C9orf153: variants seen among roughly 807,000 people sequenced by gnomAD.
C9orf153 encodes uncharacterized protein C9orf153.
In C9orf153, 10 loss-of-function variants were observed where a neutral mutation model predicts 9.0. That is an observed-to-expected ratio of 1.11 (90% CI 0.69 to 1.89). C9orf153 has a LOEUF of 1.89. Among genes scored for constraint, C9orf153 ranks in the 40% most tolerant of loss-of-function variants. The pLI is 0.00. For missense variants in C9orf153, 108 were observed against 111.0 expected (o/e 0.97, Z 0.12); for synonymous variants, 35 against 37.3 (o/e 0.94, Z 0.23).
At chr9:86,230,091 C>T (rs957842625) in intron 1 of C9orf153, among the ~76,000 whole-genome samples, 1 of 152,160 alleles carries the variant, frequency 6.6e-6, no homozygotes, top group East Asian at 1.9e-4. Context: ...CTGGGGATAA[C>T]AATTTGATGT....
chr9:86,244,753 C>T (rs2131197821), intron 1 of C9orf153, among the ~76,000 whole-genome samples: 1 of 152,326 alleles, frequency 6.6e-6, no homozygotes, highest in South Asian at 2.1e-4. Context: ...ATCTTTCTCC[C>T]TCCCTAATCC....
At chr9:86,237,199 A>G (rs1011133059) in intron 1 of C9orf153, among the ~76,000 whole-genome samples, 1 of 152,180 alleles carries the variant, frequency 6.6e-6, no homozygotes, top group African/African-American at 2.4e-5. Context: ...TATGCTAAGA[A>G]AGGAGAAAAA....
chr9:86,238,753 A>G (rs948483172), intron 1 of C9orf153, among the ~76,000 whole-genome samples: 7 of 152,194 alleles, frequency 4.6e-5, no homozygotes, highest in African/African-American at 1.7e-4. Context: ...TGTGTGCTGA[A>G]ATAGATCTCC....
chr9:86,222,439 C>A (rs1481561105), intron 3 of C9orf153, among the ~76,000 whole-genome samples: 2 of 152,092 alleles, frequency 1.3e-5, no homozygotes, highest in African/African-American at 4.8e-5. Flanking sequence ...TAGAAGTGCA[C>A]AGATTGTTAG....
intron 1 of C9orf153, among the ~76,000 whole-genome samples, chr9:86,248,869 T>C (rs1418487636): frequency 5.9e-5 from 9 of 152,214 alleles, no homozygotes; most frequent in African/African-American, 2.2e-4. Context: ...CAGTGGCTCC[T>C]CGTGTTGCCT....
chr9:86,255,075 A>AAG lies in C9orf153; in HGVS notation c.-27+4473_-27+4474dup, dbSNP rs398068748. On this transcript the variant is annotated intron_variant, in intron 1 of 3. Transcript: ENST00000339137. ...GAGACGCTGTCTCAGAAAAAAAAAA[A>AAG]AGAGAGAGAAAAAGAAATGAGACTA... 7.0e-3 allele frequency among the ~76,000 whole-genome samples: 1,068 copies of AAG among 151,746 alleles called. 14 individuals are homozygous for AAG. Among genetic ancestry groups the AAG allele is most frequent in the African/African-American group, 0.025 (1,028 of 41,346 alleles).
intron 1 of C9orf153, among the ~76,000 whole-genome samples, chr9:86,245,586 T>C (rs1358412760): frequency 6.6e-6 from 1 of 152,172 alleles, no homozygotes; most frequent in Non-Finnish European, 1.5e-5. Flanking sequence ...TACTCCATTG[T>C]GGGTTGCACG....
chr9:86,240,370 T>A (rs183284904), intron 1 of C9orf153, among the ~76,000 whole-genome samples: 1 of 148,834 alleles, frequency 6.7e-6, no homozygotes, highest in Admixed American at 7.0e-5. Context: ...TTTGCTTTCT[T>A]CTTTTCCTTT....
chr9:86,221,575 T>C lies in C9orf153; in HGVS notation c.*113A>G, dbSNP rs1324810037. ...TAAATGACCAAAGACTTGCGAACTATAGGGGGGAAAATAACGTCAGGCATG... is the reference window on the plus strand; with the variant it reads ...TAAATGACCAAAGACTTGCGAACTACAGGGGGGAAAATAACGTCAGGCATG... On this transcript the variant is annotated 3_prime_UTR_variant, in exon 4 of 4. Transcript: ENST00000339137. 2.8e-6 allele frequency: 4 copies of C among 1,416,200 alleles called. No homozygotes were observed. The highest frequency in any genetic ancestry group is 1.7e-5 in the South Asian group (1 of 60,090). 87.7% of individuals were successfully genotyped at this position (1,416,200 alleles called of 1,614,324 possible). A position where few individuals can be genotyped will look rare whatever the true frequency, so the allele number is the denominator to read the frequency against.
intron 1 of C9orf153, among the ~76,000 whole-genome samples, chr9:86,251,853 A>C (rs1159989404): frequency 2.0e-5 from 3 of 151,060 alleles, no homozygotes; most frequent in African/African-American, 4.9e-5. Flanking sequence ...TCTTTTAAAC[A>C]AGATTTCCAG....
chr9:86,236,159 C>T (rs1824581480), intron 1 of C9orf153, among the ~76,000 whole-genome samples: 1 of 151,896 alleles, frequency 6.6e-6, no homozygotes, highest in South Asian at 2.1e-4. Context: ...AAAAAGCATG[C>T]AAAGAAGCAG....
chr9:86,231,570 A>AAC (rs914773865), intron 1 of C9orf153, among the ~76,000 whole-genome samples: 10 of 142,792 alleles, frequency 7.0e-5, no homozygotes, highest in Non-Finnish European at 1.3e-4. Flanking sequence ...CACACACAAA[A>AAC]ACACACACAC....
chr9:86,255,792 G>A (rs961359746), intron 1 of C9orf153, among the ~76,000 whole-genome samples: 1 of 152,218 alleles, frequency 6.6e-6, no homozygotes, highest in South Asian at 2.1e-4. Context: ...TGCCTTTTGC[G>A]AGTTATTTTT....
intron 1 of C9orf153, among the ~76,000 whole-genome samples, chr9:86,242,517 T>A (rs2131194866): frequency 6.6e-6 from 1 of 152,326 alleles, no homozygotes; most frequent in Non-Finnish European, 1.5e-5. Flanking sequence ...TAGAAACTTA[T>A]TAATTAAAAA....
At chr9:86,224,120 C>T (rs1824266123) in intron 3 of C9orf153, among the ~76,000 whole-genome samples, 1 of 152,132 alleles carries the variant, frequency 6.6e-6, no homozygotes. Context: ...GGACCAGTGG[C>T]TCACGCCTGT....
chr9:86,221,878 T>A (rs944991037), intron 3 of C9orf153, 145 bp from the exon 4 acceptor site: 7 of 513,174 alleles, frequency 1.4e-5, no homozygotes, highest in African/African-American at 1.2e-4. Flanking sequence ...GCTTTATTTT[T>A]AATTTTTATT....
chr9:86,244,424 C>T (rs558613742), intron 1 of C9orf153, among the ~76,000 whole-genome samples: 1 of 152,250 alleles, frequency 6.6e-6, no homozygotes, highest in South Asian at 2.1e-4. Context: ...AAAATCACAT[C>T]AGTGACTTGC....
intron 1 of C9orf153, chr9:86,258,727 A>G (rs1587814248): frequency 6.6e-6 from 1 of 152,212 alleles, no homozygotes; most frequent in Non-Finnish European, 1.5e-5. Context: ...TAATTTAACG[A>G]AACTTTTTTT....
In C9orf153 at chr9:86,257,591, T is replaced by G. The variant is rs571613171; in HGVS notation, c.-27+1959A>C. Reference sequence around the variant, plus strand: ...TTGATCCCTTACCCTTGAGTCTGGCTGTCTTCCCAGGGGAGCCGCTTGTCT... The same window carrying G: ...TTGATCCCTTACCCTTGAGTCTGGCGGTCTTCCCAGGGGAGCCGCTTGTCT... On this transcript the variant is annotated intron_variant, in intron 1 of 3. Coordinates refer to ENST00000339137, the MANE Select transcript of C9orf153 (RefSeq NM_001276366.4). 1.1e-4 allele frequency among the ~76,000 whole-genome samples: 16 copies of G among 152,348 alleles called. No individual in the cohort carries two copies. In the East Asian group the frequency reaches 3.1e-3, roughly 29 times the overall value.
Sources: allele counts gnomAD v4.1 joint callset (sites outside exome capture counted in the v4.1 genomes callset), GRCh38; gene constraint gnomAD v4.1.1; transcripts MANE v1.5; gene names NCBI Gene and HGNC (gene_info 2026-07-23, HGNC 2026-07-21).